STK31: variants seen among roughly 807,000 people sequenced by gnomAD.
STK31 encodes the protein serine/threonine kinase 31.
STK31 carries 89 observed loss-of-function variants against 129.7 expected under a neutral mutation model. The observed-to-expected ratio is 0.69, with a 90% confidence interval of 0.58 to 0.82. The LOEUF is 0.82. STK31 is among the 40% of genes least tolerant of loss of function. The pLI is 0.00. For missense variants in STK31, 1,187 were observed against 1,176.4 expected (o/e 1.01, Z -0.13); for synonymous variants, 448 against 395.3 (o/e 1.13, Z -1.58).
rs752494012 is a variant in STK31 at position 23,786,861 on chromosome 7, G to T, written c.2424G>T (p.Met808Ile). 9 of 1,613,664 alleles carry T rather than the reference G, an allele frequency of 5.6e-6. No individual in the cohort carries two copies. The East Asian group carries it at 1.8e-4, about 32-fold the overall frequency. Residue 808 changes from methionine to isoleucine, a missense_variant, in exon 20 of 24, where the codon ATG becomes ATT. By Grantham distance (10) the Met-to-Ile change is conservative. This residue lies in a region of STK31 where 975 missense variants were observed against 934.9 expected (regional missense o/e 1.04). Coordinates refer to ENST00000355870, the MANE Select transcript of STK31 (RefSeq NM_031414.5). ...LCKSDPMAYL[M>I]VPYYPRANLN... Reference sequence around the variant, plus strand: ...AGTCTGATCCTATGGCTTATCTGATGGTCCCATACTACCCTAGGGCAAACC... The same window carrying T: ...AGTCTGATCCTATGGCTTATCTGATTGTCCCATACTACCCTAGGGCAAACC...
At chr7:23,746,189 C>T (rs183180027) in intron 8 of STK31, among the ~76,000 whole-genome samples, 212 of 152,300 alleles carry the variant, frequency 1.4e-3, no homozygotes, top group African/African-American at 5.0e-3. Context: ...TGGGACCCAA[C>T]ATGAGCTCCC....
chr7:23,786,578 G>A lies in STK31; in HGVS notation c.2345G>A (p.Arg782Lys), dbSNP rs1279900588. 1 of 1,613,842 alleles carries A rather than the reference G, an allele frequency of 6.2e-7. No homozygotes were observed. The highest frequency in any genetic ancestry group is 8.5e-7 in the Non-Finnish European group (1 of 1,179,852). Residue 782 changes from arginine to lysine, a missense_variant, in exon 19 of 24, where the codon AGA becomes AAA. By Grantham distance (26) the Arg-to-Lys change is conservative. This residue lies in a region of STK31 where 975 missense variants were observed against 934.9 expected (regional missense o/e 1.04). Coordinates refer to ENST00000355870, the MANE Select transcript of STK31 (RefSeq NM_031414.5). ...ERAATYHRAWREAEGDSGLLP... is the reference protein window; with the variant it reads ...ERAATYHRAWKEAEGDSGLLP... Reference sequence around the variant, plus strand: ...GCAGCCACCTACCATAGAGCTTGGAGAGAAGCTGAAGGAGACTCAGGGTTA... The same window carrying A: ...GCAGCCACCTACCATAGAGCTTGGAAAGAAGCTGAAGGAGACTCAGGGTTA...
intron 10 of STK31, among the ~76,000 whole-genome samples, 155 bp downstream of exon 10, chr7:23,754,629 T>C (rs1345919873): frequency 6.6e-6 from 1 of 152,074 alleles, no homozygotes; most frequent in East Asian, 1.9e-4. Context: ...GCTGCACCTG[T>C]CCTCTAAATT....
chr7:23,717,758 C>T (rs1786439152), intron 4 of STK31, among the ~76,000 whole-genome samples, 179 bp downstream of exon 4: 1 of 152,156 alleles, frequency 6.6e-6, no homozygotes, highest in Non-Finnish European at 1.5e-5. Flanking sequence ...CTGAATATTA[C>T]TCAGTCTTGA....
At chr7:23,729,729 C>T (rs1787291474) in intron 6 of STK31, among the ~76,000 whole-genome samples, 3 of 150,006 alleles carry the variant, frequency 2.0e-5, no homozygotes, top group South Asian at 2.1e-4. Flanking sequence ...AGGCTGGTCT[C>T]GAACTCCTGA....
chr7:23,710,592 T>C (rs1257421952), intron 1 of STK31: 26 of 1,321,088 alleles, frequency 2.0e-5, no homozygotes, highest in Non-Finnish European at 2.5e-5. Context: ...CCACACTCTC[T>C]TCCCCTTCTC....
At chr7:23,750,681 A>G (rs945942164) in intron 8 of STK31, among the ~76,000 whole-genome samples, 2 of 152,238 alleles carry the variant, frequency 1.3e-5, no homozygotes, top group Admixed American at 6.5e-5. Flanking sequence ...ACCATGAGCT[A>G]CTTAGAAGCA....
intron 6 of STK31, among the ~76,000 whole-genome samples, chr7:23,733,187 A>G (rs1287816514): frequency 6.6e-6 from 1 of 152,110 alleles, no homozygotes; most frequent in African/African-American, 2.4e-5. Flanking sequence ...TAGGAATTTT[A>G]TGCCTTGAAA....
At chr7:23,730,878 A>ATATATTTTTTT in intron 6 of STK31, among the ~76,000 whole-genome samples, 5 of 59,542 alleles carry the variant, frequency 8.4e-5, no homozygotes, top group South Asian at 1.6e-3. Flanking sequence ...ATATATATAT[A>ATATATTTTTTT]TTTTTTTTTT....
intron 23 of STK31, among the ~76,000 whole-genome samples, chr7:23,828,823 A>G (rs1794355380): frequency 6.6e-6 from 1 of 152,136 alleles, no homozygotes; most frequent in Non-Finnish European, 1.5e-5. Flanking sequence ...ACTGTGTTGA[A>G]GAGAAGTGGT....
intron 1 of STK31, chr7:23,710,756 G>A (rs551230911): frequency 4.8e-6 from 5 of 1,044,744 alleles, no homozygotes; most frequent in Non-Finnish European, 5.8e-6. Context: ...CGGCATCAGT[G>A]CCTTCATAAT....
chr7:23,790,962 G>A lies in STK31; in HGVS notation c.2760+16G>A. The A allele has an allele frequency of 7.9e-6, 12 of 1,527,588 alleles. No homozygotes were observed. Among genetic ancestry groups the A allele is most frequent in the Non-Finnish European group, 1.0e-5 (12 of 1,143,078 alleles). 94.6% of individuals were successfully genotyped at this position (1,527,588 alleles called of 1,614,324 possible). A position where few individuals can be genotyped will look rare whatever the true frequency, so the allele number is the denominator to read the frequency against. Reference sequence around the variant, plus strand: ...CTTATTATGGGTATGTTATTTTTTTGTTGAAATAGATCATATATATATATA... The same window carrying A: ...CTTATTATGGGTATGTTATTTTTTTATTGAAATAGATCATATATATATATA... On this transcript the variant is annotated intron_variant, in intron 22 of 23. Transcript: ENST00000355870.
chr7:23,817,448 G>A (rs932610078), intron 23 of STK31, among the ~76,000 whole-genome samples: 1 of 152,142 alleles, frequency 6.6e-6, no homozygotes, highest in Non-Finnish European at 1.5e-5. Flanking sequence ...TATAGTATTT[G>A]CTTCTGTGAT....
chr7:23,741,287 A>G (rs896663142), intron 8 of STK31, among the ~76,000 whole-genome samples: 1 of 152,172 alleles, frequency 6.6e-6, no homozygotes, highest in African/African-American at 2.4e-5. Flanking sequence ...AGGTATTTAG[A>G]TACCAGACTT....
intron 23 of STK31, among the ~76,000 whole-genome samples, chr7:23,831,373 C>CT (rs1794535788): frequency 6.6e-6 from 1 of 152,002 alleles, no homozygotes; most frequent in African/African-American, 2.4e-5. Context: ...TTCTTTGTCA[C>CT]TTTTTGCTCT....
At chr7:23,726,983 C>T (rs1002435969) in intron 4 of STK31, among the ~76,000 whole-genome samples, 8 of 151,994 alleles carry the variant, frequency 5.3e-5, no homozygotes, top group Non-Finnish European at 1.2e-4. Context: ...ACCCCTCCCT[C>T]CTCATTTTGG....
At chr7:23,789,896 C>G (rs1235250777) in intron 21 of STK31, among the ~76,000 whole-genome samples, 2 of 152,084 alleles carry the variant, frequency 1.3e-5, no homozygotes, top group African/African-American at 2.4e-5. Context: ...TCACCTTTTG[C>G]TACATTTTCC....
At chr7:23,710,091 G>C (rs1360428094), upstream of STK31, 4 of 904,802 alleles carry the variant, frequency 4.4e-6, no homozygotes, top group Non-Finnish European at 5.0e-6. Flanking sequence ...CCTGGGGGTC[G>C]GCAGCAGCCA....
At chr7:23,831,431 C>T (rs575646661) in intron 23 of STK31, among the ~76,000 whole-genome samples, 1 of 152,200 alleles carries the variant, frequency 6.6e-6, no homozygotes, top group African/African-American at 2.4e-5. Context: ...GTTACACCTG[C>T]TTGCTTTTGG....
Sources: gnomAD v4.1 joint callset for allele counts (sites outside exome capture counted in the v4.1 genomes callset) on GRCh38, gnomAD v4.1.1 for gene constraint, gnomAD v4.1.1 regional missense constraint, MANE v1.5 for transcripts, NCBI Gene and HGNC (gene_info 2026-07-23, HGNC 2026-07-21) for gene names.